Variants in SOS1 observed in about 807,000 individuals in gnomAD.
SOS1 encodes the protein son of sevenless homolog 1.
SOS1 carries 25 observed loss-of-function variants against 157.6 expected under a neutral mutation model. The ratio of observed to expected loss-of-function variants is 0.16; its 90% CI spans 0.12 to 0.22. The LOEUF is 0.22. Ranked by LOEUF, SOS1 falls within the 10% of genes least tolerant of loss-of-function variation. The pLI, the probability that SOS1 is intolerant of heterozygous loss-of-function variation, is 1.00. For synonymous variants in SOS1, 528 were observed against 534.0 expected, an observed-to-expected ratio of 0.99 and a Z score of 0.16; for missense variants, 1,237 against 1,599.1, an observed-to-expected ratio of 0.77 and a Z score of 3.86.
chr2:39,112,174 C>T (rs890364317), intron 1 of SOS1, among the ~76,000 whole-genome samples: 3 of 152,234 alleles, frequency 2.0e-5, no homozygotes, highest in South Asian at 2.1e-4. Flanking sequence ...TGAAATATCC[C>T]TATCTTCTTA....
At chr2:39,073,397 A>T (rs1195634569) in intron 1 of SOS1, among the ~76,000 whole-genome samples, 1 of 152,248 alleles carries the variant, frequency 6.6e-6, no homozygotes, top group Non-Finnish European at 1.5e-5. Context: ...TGACACAGAA[A>T]ATTTCATATA....
At position 39,007,266 on chromosome 2, in the gene SOS1, A is replaced by G. The variant is rs995947728; in HGVS notation, c.2511-73T>C. ...AAAGTTATAGCTTAAAGAATTTAGT[A>G]AATAAAATAATGTAGAGAGTAGGGG... On this transcript the variant is annotated intron_variant, in intron 15 of 22. Coordinates refer to ENST00000402219, the MANE Select transcript of SOS1 (RefSeq NM_005633.4). 4 of 985,192 alleles carry G rather than the reference A, an allele frequency of 4.1e-6. No individual in the cohort carries two copies. The African/African-American group carries it at 4.8e-5, about 12-fold the overall frequency. The allele number at this position is 985,192 out of a possible 1,614,324, so 61.0% of individuals were successfully genotyped here. A position where few individuals can be genotyped will look rare whatever the true frequency, so the allele number is the denominator to read the frequency against.
At chr2:39,093,521 A>T (rs1383606300) in intron 1 of SOS1, among the ~76,000 whole-genome samples, 2 of 152,212 alleles carry the variant, frequency 1.3e-5, no homozygotes, top group African/African-American at 2.4e-5. Flanking sequence ...CACACTCAAC[A>T]AATATATTCT....
chr2:39,044,711 T>C (rs1349739212), intron 6 of SOS1, among the ~76,000 whole-genome samples: 3 of 152,206 alleles, frequency 2.0e-5, no homozygotes, highest in African/African-American at 4.8e-5. Context: ...GGCTGGCTTT[T>C]CGTATATATG....
chr2:39,059,798 G>T (rs545241658), intron 2 of SOS1, among the ~76,000 whole-genome samples: 37 of 152,208 alleles, frequency 2.4e-4, no homozygotes, highest in African/African-American at 8.4e-4. Context: ...ATTAAGGAGT[G>T]TAATCCATTC....
chr2:39,101,400 C>T (rs1364846899), intron 1 of SOS1, among the ~76,000 whole-genome samples: 1 of 152,052 alleles, frequency 6.6e-6, no homozygotes, highest in Non-Finnish European at 1.5e-5. Flanking sequence ...GTCAAATATC[C>T]AAACTATATC....
At chr2:39,113,357 CTTTT>C (rs573347245) in intron 1 of SOS1, among the ~76,000 whole-genome samples, 1 of 137,360 alleles carries the variant, frequency 7.3e-6, no homozygotes, top group Non-Finnish European at 1.6e-5. Flanking sequence ...TACCTGTCTT[CTTTT>C]TTTTTTTTTT....
chr2:39,074,410 T>C (rs1034498784), intron 1 of SOS1, among the ~76,000 whole-genome samples: 2 of 148,958 alleles, frequency 1.3e-5, no homozygotes, highest in Non-Finnish European at 3.0e-5. Flanking sequence ...ACCCCATCTC[T>C]ACCAAAAATA....
intron 1 of SOS1, among the ~76,000 whole-genome samples, chr2:39,091,391 A>C (rs1445838441): frequency 1.3e-5 from 2 of 152,198 alleles, no homozygotes; most frequent in Non-Finnish European, 1.5e-5. Context: ...CAGCGTGTTC[A>C]ACTTTTGATG....
chr2:39,010,325 AAAAAAG>A (rs1669423052), intron 15 of SOS1, among the ~76,000 whole-genome samples: 1 of 151,736 alleles, frequency 6.6e-6, no homozygotes, highest in Non-Finnish European at 1.5e-5. Context: ...CAAAAAAAAA[AAAAAAG>A]AAAAAGAAAG....
chr2:39,056,634 A>G (rs568326338), intron 4 of SOS1, 68 bp downstream of exon 4: 2 of 946,542 alleles, frequency 2.1e-6, no homozygotes, highest in South Asian at 2.6e-5. Context: ...CTATATGAAT[A>G]GTACGTTAGC....
intron 1 of SOS1, among the ~76,000 whole-genome samples, chr2:39,069,879 C>T (rs527561275): frequency 7.2e-5 from 11 of 152,144 alleles, no homozygotes; most frequent in Non-Finnish European, 1.5e-4. Context: ...TTTAATTTTA[C>T]AGGTGAAGAA....
upstream of SOS1, among the ~76,000 whole-genome samples, chr2:39,123,693 G>C (rs1673975832): frequency 2.0e-5 from 3 of 152,174 alleles, no homozygotes; most frequent in African/African-American, 7.2e-5. Context: ...TTCTTCATTG[G>C]TTTTAATCGT....
intron 8 of SOS1, among the ~76,000 whole-genome samples, chr2:39,027,615 A>G (rs1670007773): frequency 6.6e-6 from 1 of 152,226 alleles, no homozygotes; most frequent in Non-Finnish European, 1.5e-5. Context: ...GGCAATTAGT[A>G]TGTAAATGAG....
rs1187507511 is a variant in SOS1, at chr2:39,093,636, T to C, written c.88-25883A>G. ...AGAAGCCCAGAGACACGAGATTGTT[T>C]AGAGGAGCAAACAGCAAGGAGACCA... On this transcript the variant is annotated intron_variant, in intron 1 of 22. Coordinates refer to ENST00000402219, the MANE Select transcript of SOS1 (RefSeq NM_005633.4). Among the ~76,000 whole-genome samples, 3 of 152,110 alleles carry C rather than the reference T, an allele frequency of 2.0e-5. No homozygotes were observed. In the East Asian group the frequency reaches 5.8e-4, roughly 29 times the overall value.
At position 38,986,178 on chromosome 2, in the gene SOS1, T is replaced by C. The variant is rs1306414035; in HGVS notation, c.3648A>G (p.Pro1216=). The C allele has an allele frequency of 1.9e-6, 3 of 1,613,694 alleles. No homozygotes were observed. Among genetic ancestry groups the C allele is most frequent in the Non-Finnish European group, 2.5e-6 (3 of 1,179,854 alleles). The change falls in exon 23 of 23, where the codon CCA becomes CCG. Residue 1216 remains proline (P), a synonymous_variant. Coordinates refer to ENST00000402219, the MANE Select transcript of SOS1 (RefSeq NM_005633.4). ...DPPESPPLLP[P]REPVRTPDVF... is the part of the protein sequence containing the mutation. Reference sequence around the variant, plus strand: ...CATCAGGTGTCCTCACAGGTTCTCGTGGTGGTAATAAGGGAGGGCTTTCAG... The same window carrying C: ...CATCAGGTGTCCTCACAGGTTCTCGCGGTGGTAATAAGGGAGGGCTTTCAG...
In SOS1 at chr2:39,067,787, G is replaced by T. The variant is rs758585624; in HGVS notation, c.88-34C>A. 3.8e-6 allele frequency: 6 copies of T among 1,598,836 alleles called. No homozygotes were observed. In the South Asian group the frequency reaches 6.6e-5, roughly 18 times the overall value. On this transcript the variant is annotated intron_variant, in intron 1 of 22. Coordinates refer to ENST00000402219, the MANE Select transcript of SOS1 (RefSeq NM_005633.4). ...AAAAAGCAAAGTAATTAAAATGTGG[G>T]TTCCATATCATTAAACAAATTTTTA... is the stretch of plus-strand genomic sequence containing the variant.
chr2:39,112,024 T>C (rs2148226551), intron 1 of SOS1, among the ~76,000 whole-genome samples: 1 of 152,080 alleles, frequency 6.6e-6, no homozygotes, highest in East Asian at 1.9e-4. Context: ...ATATAACAAT[T>C]GTCATCATCT....
intron 6 of SOS1, among the ~76,000 whole-genome samples, chr2:39,039,178 G>T (rs1162038822): frequency 1.3e-5 from 2 of 152,176 alleles, no homozygotes; most frequent in African/African-American, 4.8e-5. Context: ...TAGACCACAG[G>T]ATAGTGTAAA....
Sources: allele counts gnomAD v4.1 joint callset (sites outside exome capture counted in the v4.1 genomes callset), GRCh38; gene constraint gnomAD v4.1.1; transcripts MANE v1.5; gene names NCBI Gene and HGNC (gene_info 2026-07-23, HGNC 2026-07-21).